CDH12: variants seen among roughly 807,000 people sequenced by gnomAD.
CDH12 encodes cadherin-12.
CDH12 carries 41 observed loss-of-function variants against 74.1 expected under a neutral mutation model. The observed-to-expected ratio is 0.55, with a 90% CI of 0.43 to 0.72. The LOEUF is 0.72. CDH12 is among the 30% of genes least tolerant of loss of function. The probability of loss-of-function intolerance (pLI) is 0.00; values close to 1 mark genes in which losing one functional copy is unlikely to be tolerated. For missense variants in CDH12, 945 were observed against 977.2 expected, an observed-to-expected ratio of 0.97 and a Z score of 0.44; for synonymous variants, 399 against 355.0, an observed-to-expected ratio of 1.12 and a Z score of -1.39.
At chr5:22,687,112 G>A (rs1741840365) in intron 1 of CDH12, among the ~76,000 whole-genome samples, 1 of 151,994 alleles carries the variant, frequency 6.6e-6, no homozygotes, top group African/African-American at 2.4e-5. Flanking sequence ...TGACCAATAT[G>A]GTGAAACCCC....
At chr5:22,735,791 T>C (rs1271084240) in intron 1 of CDH12, among the ~76,000 whole-genome samples, 1 of 151,860 alleles carries the variant, frequency 6.6e-6, no homozygotes, top group East Asian at 1.9e-4. Context: ...GAGTGCTTAC[T>C]CAAAAAATGA....
intron 1 of CDH12, among the ~76,000 whole-genome samples, chr5:22,533,651 A>T (rs1397928451): frequency 6.6e-6 from 1 of 152,170 alleles, no homozygotes; most frequent in Non-Finnish European, 1.5e-5. Context: ...CTCAATATTG[A>T]GATGTAGGTT....
intron 1 of CDH12, among the ~76,000 whole-genome samples, chr5:22,628,379 C>A (rs932991250): frequency 6.6e-6 from 1 of 152,188 alleles, no homozygotes; most frequent in African/African-American, 2.4e-5. Flanking sequence ...TTCAAAAAAA[C>A]CAAAATCATA....
intron 3 of CDH12, among the ~76,000 whole-genome samples, chr5:22,268,552 T>C (rs898705736): frequency 1.3e-5 from 2 of 152,110 alleles, no homozygotes; most frequent in Non-Finnish European, 2.9e-5. Flanking sequence ...ACTTGACATA[T>C]ACTTCTGATT....
intron 1 of CDH12, among the ~76,000 whole-genome samples, chr5:22,831,179 T>C (rs1405050010): frequency 1.3e-5 from 2 of 152,078 alleles, no homozygotes; most frequent in Admixed American, 6.6e-5. Flanking sequence ...CAGAGAAATA[T>C]ATATTTCTAT....
intron 3 of CDH12, among the ~76,000 whole-genome samples, chr5:22,386,420 C>T (rs964776898): frequency 1.3e-5 from 2 of 152,194 alleles, no homozygotes; most frequent in African/African-American, 4.8e-5. Context: ...TCTACTAAGA[C>T]ATCCTGGTGC....
chr5:22,545,189 T>C (rs1217449883), intron 1 of CDH12, among the ~76,000 whole-genome samples: 1 of 152,192 alleles, frequency 6.6e-6, no homozygotes, highest in East Asian at 1.9e-4. Context: ...ACCAATGTAG[T>C]TCAAAGGACT....
At chr5:22,032,142 CAT>C (rs1274644477) in intron 5 of CDH12, among the ~76,000 whole-genome samples, 3 of 151,006 alleles carry the variant, frequency 2.0e-5, no homozygotes, top group Admixed American at 1.3e-4. Flanking sequence ...CATTTATGAA[CAT>C]ATATATGACA....
intron 1 of CDH12, among the ~76,000 whole-genome samples, chr5:22,761,086 A>G (rs1033392105): frequency 2.6e-5 from 4 of 152,150 alleles, no homozygotes; most frequent in African/African-American, 9.7e-5. Context: ...TTTTTTTGTC[A>G]TAGTTTAAAA....
chr5:22,790,305 T>A (rs932043277), intron 1 of CDH12, among the ~76,000 whole-genome samples: 2 of 152,092 alleles, frequency 1.3e-5, no homozygotes, highest in Non-Finnish European at 2.9e-5. Context: ...AAACTAATAA[T>A]AGCATCAATG....
intron 3 of CDH12, among the ~76,000 whole-genome samples, chr5:22,279,741 G>A (rs1396528995): frequency 6.6e-6 from 1 of 152,200 alleles, no homozygotes. Context: ...ATTCCATGGT[G>A]TATATGTGTC....
chr5:22,291,932 A>T (rs1253456621), intron 3 of CDH12, among the ~76,000 whole-genome samples: 1 of 152,182 alleles, frequency 6.6e-6, no homozygotes, highest in East Asian at 1.9e-4. Flanking sequence ...TAGAGGCATT[A>T]TACCACCTGA....
chr5:22,724,395 T>C (rs6452091), intron 1 of CDH12, among the ~76,000 whole-genome samples: 125,945 of 151,580 alleles, frequency 0.83, 52,422 homozygotes, highest in Non-Finnish European at 0.86. Context: ...TTCCAACCTT[T>C]CCCCCGAGTC....
chr5:22,263,192 T>C (rs1753586590), intron 3 of CDH12, among the ~76,000 whole-genome samples: 1 of 152,284 alleles, frequency 6.6e-6, no homozygotes, highest in Non-Finnish European at 1.5e-5. Flanking sequence ...ATTTATATGA[T>C]TATTGGATCC....
In CDH12 at chr5:22,143,068, T is replaced by G. The variant is rs1342322138; in HGVS notation, c.-186-64206A>C. On this transcript the variant is annotated intron_variant, in intron 4 of 14. Transcript: ENST00000382254. ...TAAGATAGATCAGTAACCAAAATCATAGGCTTTTTCTGTGCATTTAACTTT... is the reference window on the plus strand; with the variant it reads ...TAAGATAGATCAGTAACCAAAATCAGAGGCTTTTTCTGTGCATTTAACTTT... 5 of 160,274 alleles carry G rather than the reference T, an allele frequency of 3.1e-5. No individual in the cohort carries two copies. The Admixed American group carries it at 3.2e-4, about 10-fold the overall frequency. The allele number at this position is 160,274 out of a possible 1,614,324, so 9.9% of individuals were successfully genotyped here.
At chr5:22,571,776 A>T (rs977271805) in intron 1 of CDH12, among the ~76,000 whole-genome samples, 1 of 152,208 alleles carries the variant, frequency 6.6e-6, no homozygotes, top group Non-Finnish European at 1.5e-5. Context: ...GGAGAGAGAC[A>T]AGGAAAAAGC....
At chr5:22,473,375 G>A (rs940848754) in intron 2 of CDH12, among the ~76,000 whole-genome samples, 12 of 151,910 alleles carry the variant, frequency 7.9e-5, no homozygotes, top group Middle Eastern at 6.4e-3. Flanking sequence ...GTTAAATTAC[G>A]AAAGGTATTT....
In CDH12 at chr5:21,755,658, A is replaced by T. The variant is rs1744347584; in HGVS notation, c.1818T>A (p.Ile606=). The T allele has an allele frequency of 6.2e-7, 1 of 1,613,968 alleles. No individual in the cohort carries two copies. The highest frequency in any genetic ancestry group is 1.7e-5 in the Admixed American group (1 of 59,976). Residue 606 remains isoleucine (I), a synonymous_variant, in exon 14 of 15, where the codon ATT becomes ATA. Coordinates refer to ENST00000382254, the MANE Select transcript of CDH12 (RefSeq NM_004061.5). ...GTILSCNVEA[I]FLPVGLSTGA... is the part of the protein sequence containing the mutation. ...CAGTGCTAAGTCCTACAGGTAGAAAAATTGCTTCCACATTACAAGACAGGA... is the reference window on the plus strand; with the variant it reads ...CAGTGCTAAGTCCTACAGGTAGAAATATTGCTTCCACATTACAAGACAGGA...
chr5:21,785,956 T>A (rs1057013342), intron 10 of CDH12, among the ~76,000 whole-genome samples: 6 of 152,130 alleles, frequency 3.9e-5, no homozygotes, highest in African/African-American at 1.4e-4. Flanking sequence ...AGTCAATGCC[T>A]GGCTTCAAAG....
Sources: gnomAD v4.1 joint callset for allele counts (sites outside exome capture counted in the v4.1 genomes callset) on GRCh38, gnomAD v4.1.1 for gene constraint, MANE v1.5 for transcripts, NCBI Gene and HGNC (gene_info 2026-07-23, HGNC 2026-07-21) for gene names.